CCDC171: variants seen among roughly 807,000 people sequenced by gnomAD.
CCDC171 encodes coiled-coil domain containing 171.
A neutral mutation model predicts 168.2 loss-of-function variants in CCDC171; 177 were observed. The observed-to-expected ratio is 1.05, with a 90% CI of 0.93 to 1.19. The LOEUF (loss-of-function observed/expected upper bound fraction) is 1.19. Among genes scored for constraint, CCDC171 ranks in the 50% most tolerant of loss-of-function variants. CCDC171 has a pLI of 0.00. For synonymous variants in CCDC171, 687 were observed against 540.8 expected, an observed-to-expected ratio of 1.27 and a Z score of -3.75; for missense variants, 1,991 against 1,539.0, an observed-to-expected ratio of 1.29 and a Z score of -4.91.
intron 7 of CCDC171, among the ~76,000 whole-genome samples, chr9:15,627,073 A>G (rs2045202793): frequency 6.6e-6 from 1 of 152,058 alleles, no homozygotes; most frequent in Non-Finnish European, 1.5e-5. Flanking sequence ...GAATTTATCC[A>G]TTTCTTCTAG....
At chr9:15,638,509 A>G (rs1475797738) in intron 7 of CCDC171, among the ~76,000 whole-genome samples, 1 of 152,104 alleles carries the variant, frequency 6.6e-6, no homozygotes, top group African/African-American at 2.4e-5. Context: ...TTTTAATTTA[A>G]TAAAGTACAT....
At chr9:15,772,418 A>G (rs1201176638) in intron 18 of CCDC171, among the ~76,000 whole-genome samples, 1 of 152,110 alleles carries the variant, frequency 6.6e-6, no homozygotes, top group African/African-American at 2.4e-5. Flanking sequence ...GCTTTGAAGC[A>G]AACATCTTAC....
intron 1 of CCDC171, among the ~76,000 whole-genome samples, chr9:16,053,990 TG>T (rs1285470064): frequency 1.3e-5 from 2 of 152,220 alleles, no homozygotes; most frequent in African/African-American, 2.4e-5. Context: ...GGAGAGGAGG[TG>T]GCCTTGGTTC....
At chr9:15,563,600 C>T (rs1312303192) in intron 1 of CCDC171, among the ~76,000 whole-genome samples, 1 of 152,152 alleles carries the variant, frequency 6.6e-6, no homozygotes, top group South Asian at 2.1e-4. Flanking sequence ...ATTCATTTGT[C>T]TACCACTATT....
intron 10 of CCDC171, 60 bp downstream of exon 10, chr9:15,678,956 G>A (rs1288224934): frequency 7.7e-7 from 1 of 1,292,612 alleles, no homozygotes; most frequent in African/African-American, 1.5e-5. Context: ...TGGATGTATA[G>A]CAGGGTTTTT....
At chr9:15,627,723 G>A (rs766877983) in intron 7 of CCDC171, among the ~76,000 whole-genome samples, 2 of 152,202 alleles carry the variant, frequency 1.3e-5, no homozygotes, top group Non-Finnish European at 2.9e-5. Context: ...TTGCTGAGGA[G>A]TGCTTCACTT....
intron 6 of CCDC171, among the ~76,000 whole-genome samples, chr9:15,610,979 A>G (rs749153164): frequency 7.2e-5 from 11 of 152,148 alleles, no homozygotes; most frequent in Admixed American, 1.3e-4. Flanking sequence ...TGTAATCACC[A>G]GTGTTGGAAA....
intron 3 of CCDC171, among the ~76,000 whole-genome samples, chr9:16,015,745 A>G (rs181619995): frequency 1.3e-5 from 2 of 152,148 alleles, no homozygotes; most frequent in African/African-American, 2.4e-5. Flanking sequence ...CATCTTCCCA[A>G]CTGAAACTCT....
chr9:15,785,628 T>G (rs2057907903), intron 21 of CCDC171, among the ~76,000 whole-genome samples: 1 of 152,114 alleles, frequency 6.6e-6, no homozygotes, highest in Admixed American at 6.6e-5. Flanking sequence ...TATAAAACAC[T>G]TAGGTACTCC....
At chr9:15,904,806 A>C (rs1422957869) in intron 24 of CCDC171, among the ~76,000 whole-genome samples, 6 of 151,978 alleles carry the variant, frequency 3.9e-5, no homozygotes, top group Non-Finnish European at 1.5e-5. Context: ...ACATAGGCTC[A>C]AAATAAAAGG....
intron 25 of CCDC171, among the ~76,000 whole-genome samples, chr9:15,970,757 A>T (rs1265822271): frequency 6.6e-6 from 1 of 152,148 alleles, no homozygotes; most frequent in Non-Finnish European, 1.5e-5. Flanking sequence ...TCATTCCCTT[A>T]TTTTGACATG....
intron 21 of CCDC171, among the ~76,000 whole-genome samples, chr9:15,811,821 T>C (rs2059369696): frequency 6.6e-6 from 1 of 152,212 alleles, no homozygotes; most frequent in Admixed American, 6.5e-5. Flanking sequence ...CAGAAATGTT[T>C]ACCTTAAGAT....
At chr9:15,811,147 C>T (rs772847991) in intron 21 of CCDC171, among the ~76,000 whole-genome samples, 1 of 152,188 alleles carries the variant, frequency 6.6e-6, no homozygotes, top group African/African-American at 2.4e-5. Flanking sequence ...AACTTACCTG[C>T]AATATTCTTC....
At chr9:15,962,520 A>T (rs941684121) in intron 25 of CCDC171, among the ~76,000 whole-genome samples, 1 of 152,192 alleles carries the variant, frequency 6.6e-6, no homozygotes, top group African/African-American at 2.4e-5. Context: ...CTGCTTCACA[A>T]TGCTTTCACT....
At chr9:15,876,785 G>A (rs1817902125) in intron 24 of CCDC171, among the ~76,000 whole-genome samples, 1 of 151,972 alleles carries the variant, frequency 6.6e-6, no homozygotes, top group Non-Finnish European at 1.5e-5. Flanking sequence ...ACTAAGTGTG[G>A]CTACTGACTT....
chr9:15,942,729 C>T (rs989545841), intron 25 of CCDC171, among the ~76,000 whole-genome samples: 1 of 151,782 alleles, frequency 6.6e-6, no homozygotes, highest in Admixed American at 6.6e-5. Context: ...ATAATTTCTG[C>T]AACAGATTGT....
intron 7 of CCDC171, among the ~76,000 whole-genome samples, chr9:15,649,258 T>TA: frequency 1.3e-5 from 2 of 152,310 alleles, no homozygotes; most frequent in East Asian, 3.9e-4. Context: ...CAAGATGAAT[T>TA]AAAGACTTAA....
chr9:15,649,151 G>C (rs539065399), intron 7 of CCDC171, among the ~76,000 whole-genome samples: 34 of 152,280 alleles, frequency 2.2e-4, no homozygotes, highest in Admixed American at 1.1e-3. Flanking sequence ...ATGGGGAATG[G>C]ATTCCCTATT....
chr9:16,032,802 G>A (rs1210288467), intron 6 of CCDC171, among the ~76,000 whole-genome samples: 1 of 152,172 alleles, frequency 6.6e-6, no homozygotes, highest in African/African-American at 2.4e-5. Context: ...CTTCTTGTAA[G>A]GATAAGGATT....
Sources: allele counts gnomAD v4.1 joint callset (sites outside exome capture counted in the v4.1 genomes callset), GRCh38; gene constraint gnomAD v4.1.1; transcripts MANE v1.5; gene names NCBI Gene and HGNC (gene_info 2026-07-23, HGNC 2026-07-21).